IFT88: variants seen among roughly 807,000 people sequenced by gnomAD.
The protein encoded by IFT88 is intraflagellar transport 88.
A neutral mutation model predicts 119.5 loss-of-function variants in IFT88; 74 were observed. That is an observed-to-expected ratio of 0.62 (90% CI 0.51 to 0.75). The LOEUF (loss-of-function observed/expected upper bound fraction) is 0.75. IFT88 is among the 30% of genes least tolerant of loss of function. IFT88 has a pLI of 0.00. For missense variants in IFT88, 961 were observed against 977.7 expected (o/e 0.98, Z 0.23); for synonymous variants, 279 against 316.7 (o/e 0.88, Z 1.26).
rs564627424 is a variant in IFT88 at position 20,652,470 on chromosome 13, A to T, written c.1950-1406A>T. Among the ~76,000 whole-genome samples the T allele has an allele frequency of 1.2e-4, 18 of 146,656 alleles. No individual in the cohort carries two copies. In the East Asian group the frequency reaches 2.3e-3, roughly 19 times the overall value. On this transcript the variant is annotated intron_variant, in intron 20 of 25. Coordinates refer to ENST00000351808, the MANE Select transcript of IFT88 (RefSeq NM_006531.5). ...TGGGCAACATGGCAAAACTCTCTTT[A>T]AAAAAAAATAAAAACTAGCCTGCCA...
chr13:20,619,091 C>T (rs2046107109), intron 14 of IFT88, among the ~76,000 whole-genome samples: 1 of 152,004 alleles, frequency 6.6e-6, no homozygotes, highest in African/African-American at 2.4e-5. Context: ...CTCCTGACCT[C>T]GTGATCCACC....
At position 20,621,526 on chromosome 13, in the gene IFT88, TAAAAAA is replaced by T. The variant is rs200491393; in HGVS notation, c.1200-4198_1200-4193del. Reference sequence around the variant, plus strand: ...TCAATTTTCCCAAAACCTGCTGAGATAAAAAAAAAAAAAAAAAAAAAAAAAAAAAAA... The same window carrying T: ...TCAATTTTCCCAAAACCTGCTGAGATAAAAAAAAAAAAAAAAAAAAAAAAA... On this transcript the variant is annotated intron_variant, in intron 14 of 25. Coordinates refer to ENST00000351808, the MANE Select transcript of IFT88 (RefSeq NM_006531.5). Among the ~76,000 whole-genome samples the T allele has an allele frequency of 2.7e-3, 359 of 130,546 alleles. 1 individual carries two copies. Among genetic ancestry groups the T allele is most frequent in the African/African-American group, 0.011 (351 of 31,322 alleles). The allele number at this position is 130,546 out of a possible 152,430, so 85.6% of individuals were successfully genotyped here. A position where few individuals can be genotyped will look rare whatever the true frequency, so the allele number is the denominator to read the frequency against.
chr13:20,602,340 G>C (rs978889835), intron 12 of IFT88, among the ~76,000 whole-genome samples: 2 of 151,732 alleles, frequency 1.3e-5, no homozygotes, highest in African/African-American at 4.8e-5. Flanking sequence ...GAGTAGCTGG[G>C]ATTACAGGCA....
At chr13:20,637,869 C>T (rs1026303092) in intron 16 of IFT88, among the ~76,000 whole-genome samples, 2 of 152,118 alleles carry the variant, frequency 1.3e-5, no homozygotes, top group Admixed American at 6.5e-5. Flanking sequence ...CTGTAGCTCA[C>T]GTGAATGATG....
In IFT88 at chr13:20,690,825, C is replaced by T; in HGVS notation, c.2353+10C>T. On this transcript the variant is annotated intron_variant, in intron 25 of 25. Coordinates refer to ENST00000351808, the MANE Select transcript of IFT88 (RefSeq NM_006531.5). ...AGTAACAAAGAAATAGGCAAGTACT[C>T]TCCACCCAGTTCCTCCAGGCATAGC... The T allele has an allele frequency of 6.3e-7, 1 of 1,577,332 alleles. No individual in the cohort carries two copies. The highest frequency in any genetic ancestry group is 8.7e-7 in the Non-Finnish European group (1 of 1,146,590).
intron 9 of IFT88, among the ~76,000 whole-genome samples, chr13:20,597,580 T>G (rs2041891532): frequency 6.6e-6 from 1 of 151,798 alleles, no homozygotes; most frequent in South Asian, 2.1e-4. Context: ...CCATCTCTAC[T>G]AAAAATACAA....
chr13:20,644,446 A>G (rs753978470), intron 19 of IFT88, among the ~76,000 whole-genome samples: 3 of 152,126 alleles, frequency 2.0e-5, no homozygotes, highest in Non-Finnish European at 4.4e-5. Context: ...GGTTGTAGTG[A>G]GCCAAGATCG....
intron 14 of IFT88, among the ~76,000 whole-genome samples, chr13:20,622,839 C>G (rs1424034841): frequency 6.6e-6 from 1 of 152,162 alleles, no homozygotes; most frequent in Admixed American, 6.5e-5. Flanking sequence ...ATGAGGTCCA[C>G]TTTGTCTATT....
intron 20 of IFT88, among the ~76,000 whole-genome samples, chr13:20,651,880 A>G (rs945151248): frequency 6.6e-6 from 1 of 152,218 alleles, no homozygotes; most frequent in Non-Finnish European, 1.5e-5. Flanking sequence ...TATAAATAAA[A>G]TGGAATATTA....
In IFT88 at chr13:20,611,328, T is replaced by C. The variant is rs1316503266; in HGVS notation, c.1113-4465T>C. 8.0e-5 allele frequency among the ~76,000 whole-genome samples: 12 copies of C among 150,888 alleles called. No homozygotes were observed. The East Asian group carries it at 2.2e-3, about 28-fold the overall frequency. ...TCATACTTAATGGAAAGAGACTAAA[T>C]GCTAGCCTGGGCAACATGGCAAAAC... On this transcript the variant is annotated intron_variant, in intron 13 of 25. Coordinates refer to ENST00000351808, the MANE Select transcript of IFT88 (RefSeq NM_006531.5).
intron 16 of IFT88, among the ~76,000 whole-genome samples, chr13:20,633,995 C>T (rs2048630367): frequency 6.6e-6 from 1 of 152,150 alleles, no homozygotes; most frequent in Non-Finnish European, 1.5e-5. Flanking sequence ...CTGACATCCT[C>T]TGAGGCATGA....
intron 6 of IFT88, among the ~76,000 whole-genome samples, chr13:20,591,899 A>G (rs576761525): frequency 6.6e-6 from 1 of 152,338 alleles, no homozygotes; most frequent in East Asian, 1.9e-4. Flanking sequence ...ATTTGTCAAA[A>G]TGCATTGAAA....
chr13:20,664,006 G>T (rs2054240433), intron 23 of IFT88, among the ~76,000 whole-genome samples: 1 of 152,158 alleles, frequency 6.6e-6, no homozygotes, highest in African/African-American at 2.4e-5. Flanking sequence ...GATTTTTATT[G>T]TCGCCAAAGT....
chr13:20,651,998 A>G (rs1422005478), intron 20 of IFT88, among the ~76,000 whole-genome samples: 1 of 152,242 alleles, frequency 6.6e-6, no homozygotes, highest in Non-Finnish European at 1.5e-5. Context: ...CTCCACTTAC[A>G]TGAAGTGTCT....
intron 15 of IFT88, among the ~76,000 whole-genome samples, chr13:20,627,242 A>G (rs973222054): frequency 6.6e-6 from 1 of 152,194 alleles, no homozygotes; most frequent in African/African-American, 2.4e-5. Context: ...AATGCCACCA[A>G]TGACTCTCCA....
At chr13:20,676,426 C>T (rs1438093955) in intron 24 of IFT88, among the ~76,000 whole-genome samples, 3 of 152,220 alleles carry the variant, frequency 2.0e-5, no homozygotes, top group African/African-American at 7.2e-5. Context: ...AGCATGGCTA[C>T]TGTGACTCCC....
At chr13:20,684,082 A>G (rs1184387732) in intron 24 of IFT88, among the ~76,000 whole-genome samples, 3 of 152,214 alleles carry the variant, frequency 2.0e-5, no homozygotes, top group African/African-American at 7.2e-5. Context: ...AGCTGGTTTA[A>G]ATTCTTTGAG....
At chr13:20,574,535 T>C in intron 2 of IFT88, 60 bp downstream of exon 2, 2 of 887,012 alleles carry the variant, frequency 2.3e-6, no homozygotes. Flanking sequence ...TTATGAAGAC[T>C]GTGGATTTGA....
intron 20 of IFT88, among the ~76,000 whole-genome samples, chr13:20,646,183 C>T (rs1049612260): frequency 6.6e-6 from 1 of 152,110 alleles, no homozygotes; most frequent in Non-Finnish European, 1.5e-5. Context: ...CATCACTATT[C>T]TAGTCCCACA....
Sources: allele counts gnomAD v4.1 joint callset (sites outside exome capture counted in the v4.1 genomes callset), GRCh38; gene constraint gnomAD v4.1.1; transcripts MANE v1.5; gene names NCBI Gene and HGNC (gene_info 2026-07-23, HGNC 2026-07-21).